Variants in ABI3BP observed in about 807,000 individuals in gnomAD.
ABI3BP encodes ABI family member 3 binding protein, also known as target of Nesh-SH3.
A neutral mutation model predicts 268.6 loss-of-function variants in ABI3BP; 216 were observed. The observed-to-expected ratio is 0.80, with a 90% CI of 0.72 to 0.90. ABI3BP has a LOEUF of 0.90. Ranked by LOEUF, ABI3BP falls within the 40% of genes least tolerant of loss-of-function variation. The pLI, the probability that ABI3BP is intolerant of heterozygous loss-of-function variation, is 0.00. For missense variants in ABI3BP, 2,090 were observed against 2,182.4 expected (o/e 0.96, Z 0.84); for synonymous variants, 730 against 730.0 (o/e 1.00, Z 0.00).
chr3:100,949,640 C>T (rs2074075739), intron 1 of ABI3BP, among the ~76,000 whole-genome samples: 1 of 152,058 alleles, frequency 6.6e-6, no homozygotes. Context: ...AGTTCGAGCT[C>T]AGTTTTTTAA....
intron 63 of ABI3BP, among the ~76,000 whole-genome samples, chr3:100,759,280 AAG>A (rs1327457376): frequency 2.0e-5 from 3 of 152,200 alleles, no homozygotes. Context: ...ATAAGAAAAA[AAG>A]AGGAAGGACT....
intron 42 of ABI3BP, among the ~76,000 whole-genome samples, chr3:100,817,026 T>C (rs550652105): frequency 6.6e-6 from 1 of 152,168 alleles, no homozygotes; most frequent in Admixed American, 6.6e-5. Flanking sequence ...GATGATAGAG[T>C]CTCAGGCTCA....
intron 22 of ABI3BP, among the ~76,000 whole-genome samples, chr3:100,840,562 T>C (rs1013851470): frequency 9.2e-5 from 14 of 152,206 alleles, no homozygotes; most frequent in Admixed American, 3.9e-4. Flanking sequence ...ACTTAGCATT[T>C]AAAATATCCA....
intron 57 of ABI3BP, among the ~76,000 whole-genome samples, chr3:100,781,960 G>C (rs996710004): frequency 1.3e-5 from 2 of 152,192 alleles, no homozygotes; most frequent in African/African-American, 4.8e-5. Flanking sequence ...ACATATGCCA[G>C]GATCCAAAGC....
intron 49 of ABI3BP, among the ~76,000 whole-genome samples, 191 bp downstream of exon 49, chr3:100,810,220 TC>T (rs1244355626): frequency 6.6e-6 from 1 of 152,116 alleles, no homozygotes; most frequent in African/African-American, 2.4e-5. Context: ...GAGGTATTTT[TC>T]AACCATATCC....
intron 1 of ABI3BP, among the ~76,000 whole-genome samples, chr3:100,939,911 C>T (rs556818872): frequency 1.3e-5 from 2 of 152,100 alleles, no homozygotes; most frequent in South Asian, 4.2e-4. Flanking sequence ...GCCTATACCC[C>T]CAGGCGCATA....
In ABI3BP at chr3:100,889,971, T is replaced by G. The variant is rs538703190; in HGVS notation, c.462-3648A>C. On this transcript the variant is annotated intron_variant, in intron 4 of 67. Transcript: ENST00000471714. ...CTCCACTATCTTTTAGATCCTTTGT[T>G]TCTAAAAATTTATTCCAGCAACATA... Among the ~76,000 whole-genome samples the G allele has an allele frequency of 4.6e-5, 7 of 152,204 alleles. No individual in the cohort carries two copies. In the East Asian group the frequency reaches 9.7e-4, roughly 21 times the overall value.
At chr3:100,839,447 A>T in intron 24 of ABI3BP, 122 bp downstream of exon 24, 1 of 1,058,206 alleles carries the variant, frequency 9.4e-7, no homozygotes, top group Non-Finnish European at 1.4e-6. Context: ...AGGAAAGGTG[A>T]GGAAAAGCGT....
intron 34 of ABI3BP, among the ~76,000 whole-genome samples, chr3:100,826,757 T>C (rs1193470256): frequency 6.6e-6 from 1 of 152,032 alleles, no homozygotes. Flanking sequence ...GGGTAAGGGG[T>C]GGCCACTCAG....
At chr3:100,751,131 G>A (rs1324495641) in intron 67 of ABI3BP, among the ~76,000 whole-genome samples, 1 of 151,908 alleles carries the variant, frequency 6.6e-6, no homozygotes, top group African/African-American at 2.4e-5. Context: ...ATTTCCCACA[G>A]AATTATTCTA....
chr3:100,900,371 T>C (rs575331852), intron 3 of ABI3BP, among the ~76,000 whole-genome samples: 1 of 152,330 alleles, frequency 6.6e-6, no homozygotes, highest in African/African-American at 2.4e-5. Context: ...AACGATCTCA[T>C]TCACTTTGCA....
Position 100,804,799 on chromosome 3 carries a change from G to A in ABI3BP, c.3750C>T (p.Thr1250=). Residue 1250 remains threonine (T), a synonymous_variant, in exon 51 of 68, where the codon ACC becomes ACT. Transcript: ENST00000471714. ...KTSPSPEVSY[T]TPAPKDVLLP... ...ATGAAATAAAGCATTTACCAGGTGT[G>A]GTGTATGACACTTCTGGACTTGGTG... 6.2e-7 allele frequency: 1 copy of A among 1,612,778 alleles called. No individual in the cohort carries two copies.
intron 64 of ABI3BP, 86 bp from the exon 65 acceptor site, chr3:100,753,934 A>G (rs1394206567): frequency 5.9e-6 from 8 of 1,348,438 alleles, no homozygotes; most frequent in Non-Finnish European, 8.3e-6. Context: ...GGGGGCTTAC[A>G]CTTGTTAAGA....
intron 8 of ABI3BP, among the ~76,000 whole-genome samples, 193 bp from the exon 9 acceptor site, chr3:100,875,126 A>T (rs1272282036): frequency 6.6e-6 from 1 of 152,212 alleles, no homozygotes; most frequent in African/African-American, 2.4e-5. Context: ...ATATTTAACC[A>T]AACTTCTAAA....
intron 1 of ABI3BP, among the ~76,000 whole-genome samples, chr3:100,932,637 A>G (rs1347784551): frequency 3.3e-5 from 5 of 152,132 alleles, no homozygotes. Flanking sequence ...GCACATCAAA[A>G]CCACAACGAG....
At chr3:100,828,353 G>C in intron 34 of ABI3BP, 40 bp downstream of exon 34, 1 of 1,494,778 alleles carries the variant, frequency 6.7e-7, no homozygotes, top group Non-Finnish European at 9.0e-7. Flanking sequence ...TTGACAGTGA[G>C]CAGAAAAAGC....
At chr3:100,883,473 CAACA>C (rs1169110677) in intron 6 of ABI3BP, among the ~76,000 whole-genome samples, 9 of 151,938 alleles carry the variant, frequency 5.9e-5, no homozygotes, top group Admixed American at 2.0e-4. Context: ...ATGAAACGCC[CAACA>C]AACAAAGAAC....
At chr3:100,894,693 A>C (rs1661013020) in intron 4 of ABI3BP, among the ~76,000 whole-genome samples, 1 of 152,048 alleles carries the variant, frequency 6.6e-6, no homozygotes. Flanking sequence ...TAATCCCAGC[A>C]CTTTGGGAGG....
At chr3:100,780,013 G>T in intron 58 of ABI3BP, 119 bp downstream of exon 58, 1 of 813,372 alleles carries the variant, frequency 1.2e-6, no homozygotes, top group Non-Finnish European at 2.1e-6. Context: ...CTGTGTGTGT[G>T]GTTCTGATAC....
Sources: allele counts gnomAD v4.1 joint callset (sites outside exome capture counted in the v4.1 genomes callset), GRCh38; gene constraint gnomAD v4.1.1; transcripts MANE v1.5; gene names NCBI Gene and HGNC (gene_info 2026-07-23, HGNC 2026-07-21).